The following MAP4 variants were observed in gnomAD, a reference collection of about 807,000 sequenced individuals.
The protein encoded by MAP4 is microtubule-associated protein 4.
Under a neutral mutation model 170.2 loss-of-function variants are expected in MAP4, and 76 were observed. The observed-to-expected ratio is 0.45, with a 90% CI of 0.37 to 0.54. The LOEUF is 0.54. MAP4 is among the 20% of genes least tolerant of loss of function. The probability of loss-of-function intolerance (pLI) is 0.00; values close to 1 mark genes in which losing one functional copy is unlikely to be tolerated. For missense variants in MAP4, 2,506 were observed against 2,748.0 expected, an observed-to-expected ratio of 0.91 and a Z score of 1.97; for synonymous variants, 909 against 994.5, an observed-to-expected ratio of 0.91 and a Z score of 1.62.
At chr3:47,878,952 A>C (rs932358884) in intron 10 of MAP4, among the ~76,000 whole-genome samples, 1 of 152,232 alleles carries the variant, frequency 6.6e-6, no homozygotes, top group Admixed American at 6.5e-5. Flanking sequence ...ACCCATAGGC[A>C]GGGCTGCCTG....
intron 1 of MAP4, among the ~76,000 whole-genome samples, chr3:48,023,406 G>A (rs923107782): frequency 1.3e-5 from 2 of 152,028 alleles, no homozygotes; most frequent in African/African-American, 4.8e-5. Flanking sequence ...TATCAAGAAA[G>A]AACAAAAAAG....
chr3:47,938,269 G>A (rs1425220608), intron 3 of MAP4, among the ~76,000 whole-genome samples: 1 of 152,112 alleles, frequency 6.6e-6, no homozygotes, highest in Non-Finnish European at 1.5e-5. Context: ...TCGGGAGGCT[G>A]AGACAGGAGA....
chr3:48,061,018 T>A (rs1036831654), intron 1 of MAP4, among the ~76,000 whole-genome samples: 9 of 151,952 alleles, frequency 5.9e-5, no homozygotes, highest in Non-Finnish European at 1.2e-4. Context: ...CTAATTTTTT[T>A]GTATTTTTAG....
chr3:47,875,579 C>T, intron 12 of MAP4, 106 bp downstream of exon 12: 1 of 1,095,696 alleles, frequency 9.1e-7, no homozygotes, highest in Middle Eastern at 2.9e-4. Context: ...TGCCTTTTCC[C>T]AATTCCACCA....
chr3:47,974,311 G>C (rs1023428865), intron 3 of MAP4: 10 of 343,776 alleles, frequency 2.9e-5, no homozygotes, highest in African/African-American at 2.2e-4. Flanking sequence ...TATAATCCCA[G>C]CTACTTGGGA....
chr3:48,056,770 C>T (rs1350059716), intron 1 of MAP4, among the ~76,000 whole-genome samples: 2 of 68,350 alleles, frequency 2.9e-5, no homozygotes, highest in African/African-American at 7.9e-5. Context: ...GCCCGGCCAG[C>T]CGCCCCGTCC....
chr3:48,058,485 T>C (rs1277099172), intron 1 of MAP4, among the ~76,000 whole-genome samples: 3 of 152,222 alleles, frequency 2.0e-5, no homozygotes, highest in African/African-American at 7.2e-5. Flanking sequence ...TTTCTGATTT[T>C]CACTAGGTCT....
At chr3:47,884,372 T>C (rs1315385587) in intron 10 of MAP4, among the ~76,000 whole-genome samples, 2 of 152,226 alleles carry the variant, frequency 1.3e-5, no homozygotes, top group African/African-American at 4.8e-5. Context: ...CTGAGGTTTT[T>C]AGTTTTCATT....
Position 47,892,030 on chromosome 3 carries a change from T to C in MAP4, c.5434+10920A>G, listed in dbSNP as rs764443535. Reference sequence around the variant, plus strand: ...GATCTGACTGGCTCTTGGTCTCTAGTCCATTCTTCCCTGCCACCTTCCCCT... The same window carrying C: ...GATCTGACTGGCTCTTGGTCTCTAGCCCATTCTTCCCTGCCACCTTCCCCT... On this transcript the variant is annotated intron_variant, in intron 10 of 20. Coordinates refer to ENST00000683076, the MANE Select transcript of MAP4 (RefSeq NM_001385682.1). The C allele has an allele frequency of 1.2e-5, 19 of 1,536,124 alleles. No individual in the cohort carries two copies. The South Asian group carries it at 2.1e-4, about 17-fold the overall frequency.
Position 48,074,507 on chromosome 3 carries a change from C to T in MAP4, c.-20+14266G>A, listed in dbSNP as rs2100142664. ...AATACATTATATATATATATACACA[C>T]ACTTTTTTTTTTTTTTTTTTTTTTG... On this transcript the variant is annotated intron_variant, in intron 1 of 18. Transcript: ENST00000360240. Among the ~76,000 whole-genome samples, 3 of 137,126 alleles carry T rather than the reference C, an allele frequency of 2.2e-5. No individual in the cohort carries two copies. The South Asian group carries it at 6.7e-4, about 31-fold the overall frequency. The allele number at this position is 137,126 out of a possible 152,430, so 90.0% of individuals were successfully genotyped here. A position where few individuals can be genotyped will look rare whatever the true frequency, so the allele number is the denominator to read the frequency against.
intron 3 of MAP4, chr3:47,973,018 C>A (rs1202121552): frequency 1.0e-6 from 1 of 984,938 alleles, no homozygotes; most frequent in African/African-American, 1.7e-5. Context: ...AAGTCTTTAC[C>A]CAACTTGTGT....
chr3:47,887,540 C>A (rs2097804708), intron 10 of MAP4, among the ~76,000 whole-genome samples: 1 of 152,242 alleles, frequency 6.6e-6, no homozygotes, highest in South Asian at 2.1e-4. Context: ...GCACCACCCC[C>A]TGCTCCACGG....
At chr3:48,059,462 C>T (rs2100133963) in intron 1 of MAP4, among the ~76,000 whole-genome samples, 1 of 144,606 alleles carries the variant, frequency 6.9e-6, no homozygotes, top group Non-Finnish European at 1.5e-5. Context: ...TTACAGTGAG[C>T]CGAGATCGTG....
chr3:47,906,247 C>T lies in MAP4; in HGVS notation c.5383+2791G>A, dbSNP rs531126544. Among the ~76,000 whole-genome samples the T allele has an allele frequency of 1.2e-4, 18 of 152,184 alleles. 1 individual carries two copies. Among genetic ancestry groups the T allele is most frequent in the Admixed American group, 7.2e-4 (11 of 15,280 alleles). On this transcript the variant is annotated intron_variant, in intron 9 of 20. Coordinates refer to ENST00000683076, the MANE Select transcript of MAP4 (RefSeq NM_001385682.1). ...ATCAAAATTATGAATACATATTCTT[C>T]AAACCAGAGATTCTTACTCCGGAGC...
At chr3:47,977,773 C>A in intron 3 of MAP4, 92 bp downstream of exon 3, 2 of 848,760 alleles carry the variant, frequency 2.4e-6, no homozygotes, top group South Asian at 1.6e-5. Context: ...AATTCATATG[C>A]TTCCATTAAT....
At chr3:47,951,425 A>G (rs560365479) in intron 3 of MAP4, among the ~76,000 whole-genome samples, 1 of 152,156 alleles carries the variant, frequency 6.6e-6, no homozygotes, top group Non-Finnish European at 1.5e-5. Context: ...TACTGCTGCC[A>G]TCTCGGCTCA....
intron 11 of MAP4, chr3:47,876,900 G>T (rs1447681267): frequency 1.3e-5 from 2 of 150,874 alleles, no homozygotes; most frequent in Non-Finnish European, 2.9e-5. Flanking sequence ...AATCTCTACA[G>T]AACTTTTTTT....
At chr3:47,936,659 T>C (rs189288199) in intron 3 of MAP4, among the ~76,000 whole-genome samples, 68 of 152,010 alleles carry the variant, frequency 4.5e-4, no homozygotes, top group Admixed American at 9.2e-4. Flanking sequence ...AAAAGAGATA[T>C]GCTAAAGAAG....
At chr3:48,052,100 G>A (rs1320843931) in intron 1 of MAP4, among the ~76,000 whole-genome samples, 1 of 152,158 alleles carries the variant, frequency 6.6e-6, no homozygotes, top group Non-Finnish European at 1.5e-5. Flanking sequence ...CCCCTAAAGG[G>A]CAAAATCACA....
Sources: gnomAD v4.1 joint callset for allele counts (sites outside exome capture counted in the v4.1 genomes callset) on GRCh38, gnomAD v4.1.1 for gene constraint, MANE v1.5 for transcripts, NCBI Gene and HGNC (gene_info 2026-07-23, HGNC 2026-07-21) for gene names.